Variants in FZR1 observed in about 807,000 individuals in gnomAD.
The protein encoded by FZR1 is fizzy-related protein homolog.
Under a neutral mutation model 63.6 loss-of-function variants are expected in FZR1, and 11 were observed. The observed-to-expected ratio is 0.17, with a 90% confidence interval of 0.11 to 0.29. The LOEUF is 0.29. Ranked by LOEUF, FZR1 falls within the 10% of genes least tolerant of loss-of-function variation. FZR1 has a pLI of 1.00. For synonymous variants in FZR1, 328 were observed against 297.9 expected (o/e 1.10, Z -1.04); for missense variants, 440 against 687.5 (o/e 0.64, Z 4.03).
chr19:3,508,744 G>A (rs1186617926), intron 1 of FZR1, among the ~76,000 whole-genome samples: 1 of 152,184 alleles, frequency 6.6e-6, no homozygotes. Context: ...CTTTCTCCTG[G>A]CGCAAAGCTC....
chr19:3,508,416 A>G (rs556814782), intron 1 of FZR1, among the ~76,000 whole-genome samples: 1 of 152,192 alleles, frequency 6.6e-6, no homozygotes, highest in African/African-American at 2.4e-5. Flanking sequence ...GCTGGTCTCC[A>G]ACTCCTGACC....
At chr19:3,527,199 G>C in intron 6 of FZR1, 137 bp downstream of exon 6, 1 of 738,886 alleles carries the variant, frequency 1.4e-6, no homozygotes. Flanking sequence ...CCAGGGCATA[G>C]TGGCCTGGAG....
chr19:3,514,448 C>T lies in FZR1; in HGVS notation c.-35+7974C>T, dbSNP rs1431906575. On this transcript the variant is annotated intron_variant, in intron 1 of 13. Coordinates refer to ENST00000441788, the MANE Select transcript of FZR1 (RefSeq NM_016263.4). The surrounding 1 kb of genome is among the most constrained non-coding windows in gnomAD (Gnocchi z 4.2). ...GGTGCTGAGCAGCGTCCCTGGCCTC[C>T]ACCCACTCCACGCCAGGGGCACCCC... Among the ~76,000 whole-genome samples the T allele has an allele frequency of 6.6e-6, 1 of 152,188 alleles. No homozygotes were observed.
rs1036392551 is a variant in FZR1 at position 3,537,820 on chromosome 19, G to A, written c.*2984G>A. Reference sequence around the variant, plus strand: ...GCTGGCATGGGGGACACAGCCCAGAGACAGAGAAGCTTATGAGGAAGTGAG... The same window carrying A: ...GCTGGCATGGGGGACACAGCCCAGAAACAGAGAAGCTTATGAGGAAGTGAG... On this transcript the variant is annotated 3_prime_UTR_variant, in exon 14 of 14. Coordinates refer to ENST00000441788, the MANE Select transcript of FZR1 (RefSeq NM_016263.4). 5.2e-5 allele frequency: 8 copies of A among 152,708 alleles called. No homozygotes were observed. Among genetic ancestry groups the A allele is most frequent in the African/African-American group, 1.9e-4 (8 of 41,446 alleles). 9.5% of individuals were successfully genotyped at this position (152,708 alleles called of 1,614,324 possible). A position where few individuals can be genotyped will look rare whatever the true frequency, so the allele number is the denominator to read the frequency against.
At chr19:3,527,907 C>T (rs1447517710) in intron 7 of FZR1, 93 bp downstream of exon 7, 20 of 993,104 alleles carry the variant, frequency 2.0e-5, no homozygotes, top group South Asian at 8.5e-5. Context: ...AGCATCAGTA[C>T]GAGCCAGGCG....
Position 3,535,048 on chromosome 19 carries a change from C to T in FZR1, c.*212C>T, listed in dbSNP as rs1372457072. The T allele has an allele frequency of 6.8e-6, 4 of 591,954 alleles. No individual in the cohort carries two copies. Among genetic ancestry groups the T allele is most frequent in the Non-Finnish European group, 6.0e-6 (2 of 331,600 alleles). 36.7% of individuals were successfully genotyped at this position (591,954 alleles called of 1,614,324 possible). On this transcript the variant is annotated 3_prime_UTR_variant, in exon 14 of 14. Coordinates refer to ENST00000441788, the MANE Select transcript of FZR1 (RefSeq NM_016263.4). Reference sequence around the variant, plus strand: ...CTGGGGTGGGCACGTGGTCGGGGACCCTCAGCAGCAGGGGCTCTGTCTCCC... The same window carrying T: ...CTGGGGTGGGCACGTGGTCGGGGACTCTCAGCAGCAGGGGCTCTGTCTCCC...
At chr19:3,512,834 C>T (rs937198892) in intron 1 of FZR1, among the ~76,000 whole-genome samples, 10 of 152,132 alleles carry the variant, frequency 6.6e-5, no homozygotes, top group African/African-American at 1.9e-4. Context: ...GATGAGGTGA[C>T]GCTTGTGAAG....
At chr19:3,534,253 C>A in intron 12 of FZR1, 168 bp from the exon 13 acceptor site, 1 of 462,638 alleles carries the variant, frequency 2.2e-6, no homozygotes. Context: ...AAAAAGGCTC[C>A]AACCTTGGTT....
chr19:3,519,335 C>T (rs1195105811), intron 1 of FZR1, among the ~76,000 whole-genome samples: 3 of 152,234 alleles, frequency 2.0e-5, no homozygotes, highest in East Asian at 1.9e-4. Flanking sequence ...GCCGCGTCTA[C>T]GTGGTGAGTC....
At chr19:3,529,744 G>A (rs1266008384) in intron 7 of FZR1, among the ~76,000 whole-genome samples, 2 of 149,698 alleles carry the variant, frequency 1.3e-5, no homozygotes, top group East Asian at 2.0e-4. Context: ...GAGTGGATGG[G>A]TGAGCGCATG....
At chr19:3,510,795 G>T (rs982929759) in intron 1 of FZR1, among the ~76,000 whole-genome samples, 1 of 152,196 alleles carries the variant, frequency 6.6e-6, no homozygotes, top group Non-Finnish European at 1.5e-5. Flanking sequence ...GCAACACCTC[G>T]GGACATCTGT....
intron 7 of FZR1, among the ~76,000 whole-genome samples, chr19:3,530,448 A>G (rs2083234138): frequency 1.6e-5 from 2 of 123,600 alleles, no homozygotes; most frequent in Admixed American, 7.9e-5. Flanking sequence ...GGGAGAGCGC[A>G]TGGGAGAGCG....
chr19:3,532,006 C>G lies in FZR1; in HGVS notation c.919C>G (p.Arg307Gly). The change falls in exon 10 of 14, where the codon CGG becomes GGG. Residue 307 changes from arginine to glycine, a missense_variant. This residue lies in a region of FZR1 where 208 missense variants were observed against 363.6 expected (regional missense o/e 0.57). Coordinates refer to ENST00000441788, the MANE Select transcript of FZR1 (RefSeq NM_016263.4). ...CCGCACCCCGCCACTGCAGTCGGAGCGGCGGCTGCAGGGCCACCGGCAGGA... is the reference window on the plus strand; with the variant it reads ...CCGCACCCCGCCACTGCAGTCGGAGGGGCGGCTGCAGGGCCACCGGCAGGA... ...DIRTPPLQSE[R>G]RLQGHRQEVC... is the part of the protein sequence containing the mutation. 2 of 1,563,002 alleles carry G rather than the reference C, an allele frequency of 1.3e-6. No individual in the cohort carries two copies. Among genetic ancestry groups the G allele is most frequent in the Non-Finnish European group, 8.6e-7 (1 of 1,160,620 alleles).
Position 3,525,390 on chromosome 19 carries a change from G to GAGT in FZR1, c.70-477_70-475dup, listed in dbSNP as rs2083143302. 6.7e-6 allele frequency among the ~76,000 whole-genome samples: 1 copy of GAGT among 149,928 alleles called. No individual in the cohort carries two copies. Among genetic ancestry groups the GAGT allele is most frequent in the South Asian group, 2.1e-4 (1 of 4,694 alleles). ...TTCTGGCACAGAAATCCCTGACCAT[G>GAGT]AGTGACCACGAGTGACTGTGTGGCT... On this transcript the variant is annotated intron_variant, in intron 2 of 13. Coordinates refer to ENST00000441788, the MANE Select transcript of FZR1 (RefSeq NM_016263.4). The surrounding 1 kb of genome is among the most constrained non-coding windows in gnomAD (Gnocchi z 4.2).
At chr19:3,509,986 T>C (rs1361426335) in intron 1 of FZR1, among the ~76,000 whole-genome samples, 1 of 152,120 alleles carries the variant, frequency 6.6e-6, no homozygotes, top group African/African-American at 2.4e-5. Flanking sequence ...ACTCGCCGGC[T>C]GATCGTGTCT....
chr19:3,528,373 A>G (rs982028437), intron 7 of FZR1, among the ~76,000 whole-genome samples: 11 of 152,364 alleles, frequency 7.2e-5, no homozygotes, highest in Admixed American at 1.3e-4. Context: ...CCCTCCCTGC[A>G]GCCTATGAGC....
At position 3,538,265 on chromosome 19, in the gene FZR1, T is replaced by C. The variant is rs2030068178; in HGVS notation, c.*3429T>C. On this transcript the variant is annotated 3_prime_UTR_variant, in exon 14 of 14. Coordinates refer to ENST00000441788, the MANE Select transcript of FZR1 (RefSeq NM_016263.4). Reference sequence around the variant, plus strand: ...AGGGCAGGAGGTTTCTGGATGTTTGTTGGGTTTGGTTTGGTTTTGTTTTGT... The same window carrying C: ...AGGGCAGGAGGTTTCTGGATGTTTGCTGGGTTTGGTTTGGTTTTGTTTTGT... The C allele has an allele frequency of 1.8e-5, 3 of 164,270 alleles. No homozygotes were observed. The highest frequency in any genetic ancestry group is 1.2e-4 in the Admixed American group (2 of 16,408). 10.2% of individuals were successfully genotyped at this position (164,270 alleles called of 1,614,324 possible).
chr19:3,529,697 TGAGCGGATGGGA>T (rs1187922209), intron 7 of FZR1, among the ~76,000 whole-genome samples: 4,376 of 92,878 alleles, frequency 0.047, 120 homozygotes, highest in Non-Finnish European at 0.063. Context: ...AGTGGATGGT[TGAGCGGATGGGA>T]GAGCGGATGG....
Position 3,534,806 on chromosome 19 carries a change from T to C in FZR1, c.1452T>C (p.Ser484=). 6.2e-7 allele frequency: 1 copy of C among 1,613,098 alleles called. No homozygotes were observed. The highest frequency in any genetic ancestry group is 8.5e-7 in the Non-Finnish European group (1 of 1,179,810). Residue 484 remains serine (S), a synonymous_variant, in exon 14 of 14, where the codon TCT becomes TCC. Coordinates refer to ENST00000441788, the MANE Select transcript of FZR1 (RefSeq NM_016263.4). ...SKTRSTKESV[S]VLNLFTRIR ...CCATGTGTCTGCAGGAGTCTGTGTCTGTGCTCAACCTCTTCACCAGGATCC... is the reference window on the plus strand; with the variant it reads ...CCATGTGTCTGCAGGAGTCTGTGTCCGTGCTCAACCTCTTCACCAGGATCC...
Sources: gnomAD v4.1 joint callset for allele counts (sites outside exome capture counted in the v4.1 genomes callset) on GRCh38, gnomAD v4.1.1 for gene constraint, gnomAD v4.1.1 regional missense constraint, Gnocchi (gnomAD v3.1) non-coding constraint, MANE v1.5 for transcripts, NCBI Gene and HGNC (gene_info 2026-07-23, HGNC 2026-07-21) for gene names.